Variants in RIMS1 observed in about 807,000 individuals in gnomAD.
RIMS1 encodes regulating synaptic membrane exocytosis 1, also known as regulating synaptic membrane exocytosis protein 1.
In RIMS1, 83 loss-of-function variants were observed where a neutral mutation model predicts 214.1. The ratio of observed to expected loss-of-function variants is 0.39; its 90% CI spans 0.32 to 0.47. The LOEUF (loss-of-function observed/expected upper bound fraction) is 0.47, where lower values mean the gene tolerates loss of function less well. RIMS1 is among the 20% of genes least tolerant of loss of function. The pLI is 0.99. For missense variants in RIMS1, 2,050 were observed against 2,161.8 expected, an observed-to-expected ratio of 0.95 and a Z score of 1.03; for synonymous variants, 793 against 786.8, an observed-to-expected ratio of 1.01 and a Z score of -0.13.
chr6:72,020,796 G>A (rs1194779034), intron 2 of RIMS1, among the ~76,000 whole-genome samples: 1 of 152,128 alleles, frequency 6.6e-6, no homozygotes, highest in Admixed American at 6.6e-5. Flanking sequence ...GCTTAGACTG[G>A]ATAAAAGAGT....
intron 31 of RIMS1, among the ~76,000 whole-genome samples, chr6:72,393,766 G>A (rs2154444731): frequency 6.6e-6 from 1 of 151,918 alleles, no homozygotes; most frequent in Non-Finnish European, 1.5e-5. Context: ...TGAGCTCTTC[G>A]TATTTTCATT....
chr6:72,254,294 G>C (rs2074820971), intron 16 of RIMS1, among the ~76,000 whole-genome samples: 1 of 152,098 alleles, frequency 6.6e-6, no homozygotes. Context: ...GAGAGATTTA[G>C]ATCATACTGG....
At chr6:72,258,600 G>A (rs1347038734) in intron 17 of RIMS1, among the ~76,000 whole-genome samples, 1 of 152,126 alleles carries the variant, frequency 6.6e-6, no homozygotes, top group African/African-American at 2.4e-5. Flanking sequence ...GAGAAGTGGC[G>A]AAGAGGATAA....
intron 4 of RIMS1, chr6:72,148,717 T>C: frequency 2.4e-6 from 1 of 412,176 alleles, no homozygotes; most frequent in South Asian, 1.8e-5. Context: ...ACTTGGGTTT[T>C]TTTTTTTTTT....
intron 2 of RIMS1, among the ~76,000 whole-genome samples, chr6:72,043,482 A>G (rs1239441276): frequency 1.3e-5 from 2 of 151,788 alleles, no homozygotes; most frequent in Non-Finnish European, 3.0e-5. Context: ...ACAACATTAA[A>G]ATTGGATGTT....
intron 2 of RIMS1, among the ~76,000 whole-genome samples, chr6:71,988,899 GCAT>G (rs1338151788): frequency 6.6e-6 from 1 of 152,160 alleles, no homozygotes; most frequent in African/African-American, 2.4e-5. Context: ...TAATACAACA[GCAT>G]CATATATACA....
chr6:71,935,608 G>A (rs183740207), intron 1 of RIMS1, among the ~76,000 whole-genome samples: 1 of 152,150 alleles, frequency 6.6e-6, no homozygotes, highest in East Asian at 1.9e-4. Flanking sequence ...TTTCCCTCTG[G>A]CCCGTTTGCT....
intron 1 of RIMS1, among the ~76,000 whole-genome samples, chr6:71,888,253 G>A (rs1358281530): frequency 6.6e-6 from 1 of 152,180 alleles, no homozygotes; most frequent in Non-Finnish European, 1.5e-5. Flanking sequence ...TTCTTGGGAA[G>A]TCTTCATGTA....
At chr6:72,359,877 A>G (rs763941425) in intron 29 of RIMS1, among the ~76,000 whole-genome samples, 1 of 152,176 alleles carries the variant, frequency 6.6e-6, no homozygotes, top group Non-Finnish European at 1.5e-5. Context: ...GTCCAAAATC[A>G]TGACAACAAC....
At chr6:72,250,227 T>TAGG in intron 12 of RIMS1, 103 bp from the exon 13 acceptor site, 1 of 1,060,460 alleles carries the variant, frequency 9.4e-7, no homozygotes, top group Non-Finnish European at 1.4e-6. Flanking sequence ...CATTATATTG[T>TAGG]AATTCAAAAT....
intron 2 of RIMS1, among the ~76,000 whole-genome samples, chr6:71,976,039 G>A (rs191847900): frequency 1.3e-5 from 2 of 151,956 alleles, no homozygotes; most frequent in Admixed American, 6.6e-5. Context: ...AGTTTTTGGG[G>A]ATATGGATGT....
chr6:72,126,761 TA>T (rs71540329), intron 4 of RIMS1: 17,382 of 124,454 alleles, frequency 0.14, 736 homozygotes, highest in East Asian at 0.29. Flanking sequence ...ATTAAAAAGT[TA>T]AAAAAAAAAA....
chr6:72,140,914 G>A (rs1300280261), intron 4 of RIMS1, among the ~76,000 whole-genome samples: 1 of 152,012 alleles, frequency 6.6e-6, no homozygotes, highest in East Asian at 1.9e-4. Flanking sequence ...GTTGAGAAAA[G>A]TAAGTTGGGA....
intron 2 of RIMS1, among the ~76,000 whole-genome samples, chr6:72,089,598 C>T (rs1835619151): frequency 6.6e-6 from 1 of 152,006 alleles, no homozygotes; most frequent in Admixed American, 6.6e-5. Flanking sequence ...CAGACATGCA[C>T]CACCATGCCT....
intron 29 of RIMS1, among the ~76,000 whole-genome samples, chr6:72,370,219 C>CTT (rs2098172534): frequency 1.3e-5 from 2 of 152,190 alleles, no homozygotes; most frequent in East Asian, 3.9e-4. Flanking sequence ...AAAATTTGAC[C>CTT]TGAGAAGAGG....
At chr6:71,907,744 A>G (rs529019802) in intron 1 of RIMS1, among the ~76,000 whole-genome samples, 28 of 152,316 alleles carry the variant, frequency 1.8e-4, no homozygotes, top group African/African-American at 6.5e-4. Context: ...TACCGCTTAT[A>G]TGTCAAATTA....
At chr6:72,136,600 A>G (rs764380716) in intron 4 of RIMS1, among the ~76,000 whole-genome samples, 2 of 152,110 alleles carry the variant, frequency 1.3e-5, no homozygotes, top group Non-Finnish European at 2.9e-5. Flanking sequence ...TGGACGTGAA[A>G]ACATTCAGAA....
chr6:72,390,221 A>G (rs1302057299), intron 29 of RIMS1, among the ~76,000 whole-genome samples: 1 of 152,186 alleles, frequency 6.6e-6, no homozygotes, highest in Non-Finnish European at 1.5e-5. Context: ...GACTATTCAT[A>G]CACATTTAGT....
intron 26 of RIMS1, among the ~76,000 whole-genome samples, chr6:72,295,161 C>T (rs2154259456): frequency 6.6e-6 from 1 of 151,808 alleles, no homozygotes; most frequent in South Asian, 2.1e-4. Flanking sequence ...TTTATATCTT[C>T]CATTATTATA....
Sources: gnomAD v4.1 joint callset for allele counts (sites outside exome capture counted in the v4.1 genomes callset) on GRCh38, gnomAD v4.1.1 for gene constraint, MANE v1.5 for transcripts, NCBI Gene and HGNC (gene_info 2026-07-23, HGNC 2026-07-21) for gene names.